ZAN: variants seen among roughly 807,000 people sequenced by gnomAD.
ZAN encodes zonadhesin (gene/pseudogene).
ZAN carries 260 observed loss-of-function variants against 286.2 expected under a neutral mutation model. The ratio of observed to expected loss-of-function variants is 0.91; its 90% CI spans 0.82 to 1.01. The LOEUF is 1.01. Among genes scored for constraint, ZAN ranks in the 50% least tolerant of loss-of-function variants. The probability of loss-of-function intolerance (pLI) is 0.00; values close to 1 mark genes in which losing one functional copy is unlikely to be tolerated. For synonymous variants in ZAN, 1,368 were observed against 1,417.5 expected, an observed-to-expected ratio of 0.97 and a Z score of 0.79; for missense variants, 3,410 against 3,639.2, an observed-to-expected ratio of 0.94 and a Z score of 1.62.
At chr7:100,741,088 G>A (rs1341128692) in intron 7 of ZAN, among the ~76,000 whole-genome samples, 12 of 62,280 alleles carry the variant, frequency 1.9e-4, no homozygotes, top group African/African-American at 5.1e-4. Context: ...CGGACGGGGC[G>A]GCTGGCCGGG....
chr7:100,785,833 A>G (rs1051729506), intron 36 of ZAN, among the ~76,000 whole-genome samples, 164 bp from the exon 37 acceptor site: 3 of 151,808 alleles, frequency 2.0e-5, no homozygotes, highest in Non-Finnish European at 4.4e-5. Context: ...TAATTTTTGT[A>G]TTTTTAGTAG....
At chr7:100,785,932 T>C in intron 36 of ZAN, 65 bp from the exon 37 acceptor site, 1 of 1,540,810 alleles carries the variant, frequency 6.5e-7, no homozygotes. Context: ...GTGTTGGGAT[T>C]ACAGGCGTGA....
chr7:100,746,597 C>T lies in ZAN; in HGVS notation c.826C>T (p.Leu276=). The change falls in exon 8 of 48, where the codon CTG becomes TTG. Residue 276 remains leucine (L), a synonymous_variant. Transcript: ENST00000613979. ...AAGACCTGGGCAGAAAGCTGTCCTC[C>T]TGAGCCCCGTGAGCCTGTCCTCTGG... is the stretch of plus-strand genomic sequence containing the variant. ...NARPGQKAVL[L]SPVSLSSGCL... 1 of 1,614,034 alleles carries T rather than the reference C, an allele frequency of 6.2e-7. No individual in the cohort carries two copies. The highest frequency in any genetic ancestry group is 1.3e-5 in the African/African-American group (1 of 75,068).
In ZAN at chr7:100,736,589, C is replaced by T. The variant is rs748596347; in HGVS notation, c.213C>T (p.Pro71=). The T allele has an allele frequency of 5.3e-6, 8 of 1,522,974 alleles. 1 individual carries two copies. The highest frequency in any genetic ancestry group is 3.5e-5 in the Admixed American group (2 of 57,476). The allele number at this position is 1,522,974 out of a possible 1,614,324, so 94.3% of individuals were successfully genotyped here. The change falls in exon 4 of 48, where the codon CCC becomes CCT. Residue 71 remains proline, a synonymous_variant. Coordinates refer to ENST00000613979, the MANE Select transcript of ZAN (RefSeq NM_003386.3). ...EDWVRASGPS[P]TGSTGAPGGY... ...GGGTTCGAGCCAGTGGGCCCTCTCC[C>T]ACCGGCTCCACCGGGGCCCCCGGGG...
chr7:100,736,945 C>G lies in ZAN; in HGVS notation c.390C>G (p.Ala130=). The part of the protein sequence containing the change: ...AHHMFGLSWG[A]QLRLLLLSGE... The stretch of plus-strand genomic sequence containing the variant: ...ACATGTTCGGGCTGTCTTGGGGCGC[C>G]CAGCTCAGGCTGCTGCTGCTCTCGG... The change falls in exon 5 of 48, where the codon GCC becomes GCG. Residue 130 remains alanine, a synonymous_variant. Transcript: ENST00000613979. 6.0e-6 allele frequency: 9 copies of G among 1,502,746 alleles called. 1 individual carries two copies. The highest frequency in any genetic ancestry group is 8.2e-6 in the Non-Finnish European group (9 of 1,097,814). 93.1% of individuals were successfully genotyped at this position (1,502,746 alleles called of 1,614,324 possible).
At chr7:100,746,733 T>C in intron 8 of ZAN, 31 bp downstream of exon 8, 1 of 1,609,426 alleles carries the variant, frequency 6.2e-7, no homozygotes, top group Non-Finnish European at 8.5e-7. Context: ...GGATTTACAC[T>C]GATCTGGGCG....
rs1284096996 is a variant in ZAN at position 100,740,312 on chromosome 7, A to AT, written c.766+1706dup. ...TTATTTATTTTTTTTTTTTTAATTT[A>AT]TTTTTTTATTGATAATTCTTGGGTG... is the stretch of plus-strand genomic sequence containing the variant. On this transcript the variant is annotated intron_variant, in intron 7 of 47. Coordinates refer to ENST00000613979, the MANE Select transcript of ZAN (RefSeq NM_003386.3). 3.5e-5 allele frequency among the ~76,000 whole-genome samples: 4 copies of AT among 115,894 alleles called. 1 individual carries two copies. The highest frequency in any genetic ancestry group is 2.2e-4 in the East Asian group (1 of 4,524). The allele number at this position is 115,894 out of a possible 152,430, so 76.0% of individuals were successfully genotyped here.
intron 7 of ZAN, among the ~76,000 whole-genome samples, chr7:100,743,041 T>C (rs1386030696): frequency 1.5e-5 from 2 of 134,906 alleles, no homozygotes; most frequent in African/African-American, 5.4e-5. Context: ...CTTTTTTTTT[T>C]TTTGAGACAG....
chr7:100,750,229 G>A (rs558745552), intron 11 of ZAN, among the ~76,000 whole-genome samples: 6 of 151,576 alleles, frequency 4.0e-5, no homozygotes, highest in East Asian at 2.0e-4. Flanking sequence ...CTCCACCTCC[G>A]GAGTTCAAGC....
intron 16 of ZAN, 46 bp downstream of exon 16, chr7:100,758,389 G>C (rs1375083116): frequency 6.2e-7 from 1 of 1,601,138 alleles, no homozygotes; most frequent in Non-Finnish European, 8.5e-7. Context: ...GCCAGTTGGA[G>C]TAGACGTGAC....
At chr7:100,771,368 G>A (rs974743080) in intron 28 of ZAN, among the ~76,000 whole-genome samples, 8 of 152,038 alleles carry the variant, frequency 5.3e-5, no homozygotes, top group African/African-American at 1.4e-4. Context: ...CACCATGGCC[G>A]GCTAATTTTT....
intron 15 of ZAN, among the ~76,000 whole-genome samples, chr7:100,756,214 G>A (rs1333537880): frequency 6.6e-6 from 1 of 152,074 alleles, no homozygotes; most frequent in Non-Finnish European, 1.5e-5. Flanking sequence ...TACTTAATAA[G>A]TGTTAATTAT....
chr7:100,776,627 C>A, intron 34 of ZAN, 63 bp downstream of exon 34: 2 of 1,304,760 alleles, frequency 1.5e-6, no homozygotes, highest in Non-Finnish European at 1.0e-6. Context: ...TTCTTTCTTT[C>A]TGCCTTCCCT....
chr7:100,777,163 C>G (rs1451731567), intron 34 of ZAN, among the ~76,000 whole-genome samples: 1 of 151,370 alleles, frequency 6.6e-6, no homozygotes, highest in Non-Finnish European at 1.5e-5. Context: ...CCTGCCTCAG[C>G]CTCCCAAGTA....
rs1251031170 is a variant in ZAN at position 100,748,307 on chromosome 7, C to T, written c.1103-17C>T. ...GCGTCACTCAACTTGCTCAAATATCCTATTTTGATCCCCCAGAGGGTTTTC... is the reference window on the plus strand; with the variant it reads ...GCGTCACTCAACTTGCTCAAATATCTTATTTTGATCCCCCAGAGGGTTTTC... On this transcript the variant is annotated splice_polypyrimidine_tract_variant and intron_variant, in intron 10 of 47. Transcript: ENST00000613979. 6.2e-7 allele frequency: 1 copy of T among 1,613,886 alleles called. No individual in the cohort carries two copies. Among genetic ancestry groups the T allele is most frequent in the Non-Finnish European group, 8.5e-7 (1 of 1,179,870 alleles).
chr7:100,786,259 G>GTT, intron 37 of ZAN, 118 bp downstream of exon 37: 1 of 1,453,956 alleles, frequency 6.9e-7, no homozygotes, highest in Non-Finnish European at 9.3e-7. Context: ...AGGGGTTGGG[G>GTT]CGGGCGACTG....
At chr7:100,743,329 T>C (rs1488267290) in intron 7 of ZAN, among the ~76,000 whole-genome samples, 2 of 152,108 alleles carry the variant, frequency 1.3e-5, no homozygotes, top group African/African-American at 4.8e-5. Context: ...GCTGATATTC[T>C]TTCTTTCTAT....
intron 45 of ZAN, 28 bp from the exon 46 acceptor site, chr7:100,797,338 C>T (rs1812424898): frequency 6.2e-7 from 1 of 1,610,026 alleles, no homozygotes. Context: ...TCACGTTCGA[C>T]CTAATGTCTC....
At chr7:100,785,256 C>A (rs1175047804) in intron 36 of ZAN, among the ~76,000 whole-genome samples, 2 of 132,240 alleles carry the variant, frequency 1.5e-5, no homozygotes, top group Non-Finnish European at 3.1e-5. Flanking sequence ...GAGACGGAGT[C>A]TCCCTCTATT....
Sources: gnomAD v4.1 joint callset for allele counts (sites outside exome capture counted in the v4.1 genomes callset) on GRCh38, gnomAD v4.1.1 for gene constraint, MANE v1.5 for transcripts, NCBI Gene and HGNC (gene_info 2026-07-23, HGNC 2026-07-21) for gene names.